Variants in ABCA4 observed in about 807,000 individuals in gnomAD.
The protein encoded by ABCA4 is ATP binding cassette subfamily A member 4, also known as retinal-specific phospholipid-transporting ATPase ABCA4.
Under a neutral mutation model 263.7 loss-of-function variants are expected in ABCA4, and 196 were observed. The observed-to-expected ratio is 0.74, with a 90% CI of 0.66 to 0.84. ABCA4 has a LOEUF of 0.84. ABCA4 is among the 40% of genes least tolerant of loss of function. The probability of loss-of-function intolerance (pLI) is 0.00; values close to 1 mark genes in which losing one functional copy is unlikely to be tolerated. For synonymous variants in ABCA4, 1,133 were observed against 1,094.2 expected, an observed-to-expected ratio of 1.04 and a Z score of -0.70; for missense variants, 2,792 against 2,855.1, an observed-to-expected ratio of 0.98 and a Z score of 0.50.
intron 38 of ABCA4, among the ~76,000 whole-genome samples, chr1:94,012,911 C>CG (rs1317629670): frequency 3.3e-5 from 5 of 152,184 alleles, no homozygotes; most frequent in Admixed American, 1.3e-4. Context: ...TGATCTCACA[C>CG]GGGCCGGCAG....
At chr1:94,012,834 C>T (rs1477632685) in intron 38 of ABCA4, among the ~76,000 whole-genome samples, 1 of 152,208 alleles carries the variant, frequency 6.6e-6, no homozygotes, top group Non-Finnish European at 1.5e-5. Context: ...GAGGGCAGGA[C>T]GAGTGGGCCA....
chr1:94,027,090 G>C (rs1660061994), intron 30 of ABCA4, among the ~76,000 whole-genome samples: 1 of 152,226 alleles, frequency 6.6e-6, no homozygotes, highest in South Asian at 2.1e-4. Flanking sequence ...GAGTGAGTGA[G>C]AGAGACAGAG....
chr1:94,045,956 G>T (rs1660661099), intron 19 of ABCA4: 2 of 456,198 alleles, frequency 4.4e-6, no homozygotes, highest in Non-Finnish European at 8.8e-6. Context: ...AGAGTGGGGC[G>T]CCTGCGGAGC....
At position 94,121,027 on chromosome 1, in the gene ABCA4, T is replaced by A. The variant is rs754924450; in HGVS notation, c.19A>T (p.Ile7Leu). The change falls in exon 1 of 50, where the codon ATA (isoleucine) becomes TTA (leucine). Residue 7 changes from isoleucine (I) to leucine (L), a missense_variant. Physicochemically the swap from Ile to Leu is conservative, Grantham distance 5. Transcript: ENST00000370225. ...CAGTTCTTCCAGAGCAAAAGCTGTA[T>A]CTGTCTCACGAAGCCCATGCTAATG... MGFVRQ[I>L]QLLLWKNWTL... 1.2e-6 allele frequency: 2 copies of A among 1,614,124 alleles called. No homozygotes were observed. The highest frequency in any genetic ancestry group is 1.7e-6 in the Non-Finnish European group (2 of 1,180,046).
chr1:94,047,105 A>G lies in ABCA4; in HGVS notation c.2744-12T>C. 6.2e-7 allele frequency: 1 copy of G among 1,613,978 alleles called. No individual in the cohort carries two copies. Among genetic ancestry groups the G allele is most frequent in the Admixed American group, 1.7e-5 (1 of 60,032 alleles). ...TTCAAAGAAGGAGTCTTGGAGGAAA[A>G]AAAATGAACATGATGTAAACATAAT... On this transcript the variant is annotated splice_polypyrimidine_tract_variant and intron_variant, in intron 18 of 49. Coordinates refer to ENST00000370225, the MANE Select transcript of ABCA4 (RefSeq NM_000350.3).
At chr1:93,996,233 C>A in intron 48 of ABCA4, 38 bp from the exon 49 acceptor site, 1 of 1,517,050 alleles carries the variant, frequency 6.6e-7, no homozygotes, top group Non-Finnish European at 9.1e-7. Context: ...GTAGATATTT[C>A]CAGGAAAACA....
At chr1:94,095,216 C>T (rs1662090608) in intron 6 of ABCA4, among the ~76,000 whole-genome samples, 1 of 152,024 alleles carries the variant, frequency 6.6e-6, no homozygotes, top group African/African-American at 2.4e-5. Context: ...TTGAAGATGA[C>T]AACACTCACT....
chr1:94,095,382 G>A (rs4147825), intron 6 of ABCA4, among the ~76,000 whole-genome samples: 58,774 of 151,788 alleles, frequency 0.39, 11,876 homozygotes, highest in East Asian at 0.67. Flanking sequence ...ATGCCGTCAC[G>A]GTGGTTTACT....
At chr1:94,009,090 T>C (rs1260214024) in intron 40 of ABCA4, among the ~76,000 whole-genome samples, 1 of 152,116 alleles carries the variant, frequency 6.6e-6, no homozygotes, top group Non-Finnish European at 1.5e-5. Flanking sequence ...GTTCCAGTCC[T>C]GGCCTCCTCA....
At chr1:94,119,630 T>C (rs1662893955) in intron 1 of ABCA4, among the ~76,000 whole-genome samples, 1 of 152,120 alleles carries the variant, frequency 6.6e-6, no homozygotes, top group African/African-American at 2.4e-5. Context: ...ATGCTCCAAG[T>C]CTTAATAATT....
intron 49 of ABCA4, 134 bp downstream of exon 49, chr1:93,995,975 A>G: frequency 1.4e-6 from 1 of 732,266 alleles, no homozygotes; most frequent in Non-Finnish European, 2.4e-6. Flanking sequence ...GGGACTTGGT[A>G]GGGACCGTGG....
Position 94,047,101 on chromosome 1 carries a change from GA to G in ABCA4, c.2744-9del, listed in dbSNP as rs763016325. On this transcript the variant is annotated splice_polypyrimidine_tract_variant and intron_variant, in intron 18 of 49. Transcript: ENST00000370225. Reference sequence around the variant, plus strand: ...CACGTTCAAAGAAGGAGTCTTGGAGGAAAAAAAATGAACATGATGTAAACAT... The same window carrying G: ...CACGTTCAAAGAAGGAGTCTTGGAGGAAAAAAATGAACATGATGTAAACAT... The G allele has an allele frequency of 2.5e-6, 4 of 1,613,526 alleles. No homozygotes were observed. The highest frequency in any genetic ancestry group is 3.3e-5 in the Admixed American group (2 of 60,006).
At chr1:93,995,803 G>C (rs1026257949) in intron 49 of ABCA4, among the ~76,000 whole-genome samples, 1 of 152,142 alleles carries the variant, frequency 6.6e-6, no homozygotes, top group Non-Finnish European at 1.5e-5. Flanking sequence ...CTTTTTTGCT[G>C]TAAGCAAAAA....
Position 94,116,053 on chromosome 1 carries a change from C to T in ABCA4, c.67-2987G>A, listed in dbSNP as rs149297375. On this transcript the variant is annotated intron_variant, in intron 1 of 49. Coordinates refer to ENST00000370225, the MANE Select transcript of ABCA4 (RefSeq NM_000350.3). Reference sequence around the variant, plus strand: ...TGTCATCCTCCCTTGCAAGGCTTGTCACGCACTCTCCTGGCATCCACCCAC... The same window carrying T: ...TGTCATCCTCCCTTGCAAGGCTTGTTACGCACTCTCCTGGCATCCACCCAC... Among the ~76,000 whole-genome samples the T allele has an allele frequency of 5.3e-5, 8 of 152,298 alleles. No homozygotes were observed. In the East Asian group the frequency reaches 1.5e-3, roughly 29 times the overall value.
At chr1:94,028,833 G>T (rs1660107763) in intron 30 of ABCA4, among the ~76,000 whole-genome samples, 3 of 147,948 alleles carry the variant, frequency 2.0e-5, no homozygotes, top group Non-Finnish European at 4.5e-5. Context: ...ATTGAACCTG[G>T]GAGGCAGAGG....
At chr1:94,049,845 C>T (rs1660786016) in intron 17 of ABCA4, among the ~76,000 whole-genome samples, 1 of 152,088 alleles carries the variant, frequency 6.6e-6, no homozygotes, top group African/African-American at 2.4e-5. Context: ...CACACACACA[C>T]ACACAAACAG....
At chr1:94,037,484 C>T in intron 24 of ABCA4, 134 bp from the exon 25 acceptor site, 1 of 812,170 alleles carries the variant, frequency 1.2e-6, no homozygotes, top group Non-Finnish European at 2.0e-6. Flanking sequence ...GTGACTCTTT[C>T]AGAGGACTGA....
chr1:94,120,800 A>T (rs1662925562), intron 1 of ABCA4, among the ~76,000 whole-genome samples, 180 bp downstream of exon 1: 1 of 152,112 alleles, frequency 6.6e-6, no homozygotes, highest in African/African-American at 2.4e-5. Context: ...GCACTGTCAG[A>T]GGGGCCCACA....
intron 40 of ABCA4, among the ~76,000 whole-genome samples, chr1:94,009,600 TCTC>T (rs1167919703): frequency 6.6e-6 from 1 of 152,092 alleles, no homozygotes. Flanking sequence ...CCCTCAATGT[TCTC>T]CTCCTCCTGC....
Sources: allele counts gnomAD v4.1 joint callset (sites outside exome capture counted in the v4.1 genomes callset), GRCh38; gene constraint gnomAD v4.1.1; transcripts MANE v1.5; gene names NCBI Gene and HGNC (gene_info 2026-07-23, HGNC 2026-07-21).